The following ARHGEF11 variants were observed in gnomAD, a reference collection of about 807,000 sequenced individuals.
ARHGEF11 encodes the protein Rho guanine nucleotide exchange factor 11.
In ARHGEF11, 55 loss-of-function variants were observed where a neutral mutation model predicts 193.7. The observed-to-expected ratio is 0.28, with a 90% CI of 0.23 to 0.36. The LOEUF (loss-of-function observed/expected upper bound fraction) is 0.36, where lower values mean the gene tolerates loss of function less well. Ranked by LOEUF, ARHGEF11 falls within the 10% of genes least tolerant of loss-of-function variation. ARHGEF11 has a pLI of 1.00. For missense variants in ARHGEF11, 1,723 were observed against 2,005.6 expected (o/e 0.86, Z 2.69); for synonymous variants, 693 against 768.0 (o/e 0.90, Z 1.62).
chr1:156,985,755 A>T, intron 2 of ARHGEF11: 1 of 150,244 alleles, frequency 6.7e-6, no homozygotes, highest in Non-Finnish European at 1.4e-5. Context: ...TTTTAAAAAG[A>T]GATGGAGTAT....
intron 20 of ARHGEF11, among the ~76,000 whole-genome samples, chr1:156,955,195 C>A (rs547822641): frequency 6.6e-6 from 1 of 152,108 alleles, no homozygotes; most frequent in African/African-American, 2.4e-5. Flanking sequence ...AAATGACACA[C>A]GCTGGGAAGA....
intron 3 of ARHGEF11, 82 bp downstream of exon 3, chr1:156,984,257 A>G: frequency 8.8e-7 from 1 of 1,133,900 alleles, no homozygotes; most frequent in Non-Finnish European, 1.3e-6. Flanking sequence ...CCCACAGGAA[A>G]GCACAGGTAG....
At chr1:156,984,232 G>GT in intron 3 of ARHGEF11, 107 bp downstream of exon 3, 2 of 895,506 alleles carry the variant, frequency 2.2e-6, no homozygotes, top group Non-Finnish European at 3.4e-6. Context: ...CAGTTCTAGA[G>GT]TAATTCATTC....
At position 156,958,951 on chromosome 1, in the gene ARHGEF11, A is replaced by G. The variant is rs1660367376; in HGVS notation, c.1380-87T>C. The G allele has an allele frequency of 2.5e-6, 4 of 1,601,908 alleles. No homozygotes were observed. The African/African-American group carries it at 4.0e-5, about 16-fold the overall frequency. On this transcript the variant is annotated intron_variant, in intron 16 of 40. Coordinates refer to ENST00000368194, the MANE Select transcript of ARHGEF11 (RefSeq NM_198236.3). Reference sequence around the variant, plus strand: ...CAGAAAGAACAAGACAAACACATATAACAAGAGATATGTGCACGTCCCAGA... The same window carrying G: ...CAGAAAGAACAAGACAAACACATATGACAAGAGATATGTGCACGTCCCAGA...
At chr1:157,022,320 T>A (rs1398043880) in intron 1 of ARHGEF11, among the ~76,000 whole-genome samples, 3 of 147,002 alleles carry the variant, frequency 2.0e-5, no homozygotes, top group Admixed American at 2.0e-4. Flanking sequence ...AAAAACAAAG[T>A]CAGCAAGGTT....
intron 1 of ARHGEF11, among the ~76,000 whole-genome samples, chr1:157,040,988 C>G (rs1352190206): frequency 2.6e-5 from 4 of 152,198 alleles, no homozygotes; most frequent in Non-Finnish European, 1.5e-5. Flanking sequence ...AGGCATGTGA[C>G]TTCCCCAAGG....
chr1:156,995,477 T>G (rs1341197396), intron 1 of ARHGEF11, among the ~76,000 whole-genome samples: 1 of 152,158 alleles, frequency 6.6e-6, no homozygotes, highest in Non-Finnish European at 1.5e-5. Flanking sequence ...ACACTTAATG[T>G]GTTGAGTTTC....
intron 1 of ARHGEF11, among the ~76,000 whole-genome samples, chr1:157,002,123 A>G (rs1165232743): frequency 6.6e-6 from 1 of 152,182 alleles, no homozygotes; most frequent in Non-Finnish European, 1.5e-5. Context: ...CCTTTCCAGG[A>G]CCTAGACACA....
intron 40 of ARHGEF11, among the ~76,000 whole-genome samples, chr1:156,936,497 A>AATATATATATATATATATAT (rs1553192804): frequency 1.5e-4 from 5 of 33,934 alleles, no homozygotes; most frequent in African/African-American, 3.1e-4. Context: ...AAAAAAAAAA[A>AATATATATATATATATATAT]ATATATATAT....
chr1:156,936,223 TCCACTTTCATCAGCGCCTAAAGCC>T (rs1475181300), intron 40 of ARHGEF11, 165 bp from the exon 41 acceptor site: 1 of 802,066 alleles, frequency 1.2e-6, no homozygotes, highest in Non-Finnish European at 2.3e-6. Flanking sequence ...TCTACTGAAC[TCCACTTTCATCAGCGCCTAAAGCC>T]CTTAGGTCAG....
At chr1:156,980,603 A>G (rs138548152) in intron 3 of ARHGEF11, 117 bp from the exon 4 acceptor site, 1 of 1,188,522 alleles carries the variant, frequency 8.4e-7, no homozygotes, top group East Asian at 2.6e-5. Context: ...TGTGTTAAGT[A>G]TCTCAAATTC....
At position 157,035,739 on chromosome 1, in the gene ARHGEF11, A is replaced by C. The variant is rs1412545791; in HGVS notation, c.32+8560T>G. On this transcript the variant is annotated intron_variant, in intron 1 of 40. Transcript: ENST00000368194. Reference sequence around the variant, plus strand: ...CACATAGATGGCCCTCCAGCCCCAGAGTTTGGGTGGCTATGTGGGAATATA... The same window carrying C: ...CACATAGATGGCCCTCCAGCCCCAGCGTTTGGGTGGCTATGTGGGAATATA... Among the ~76,000 whole-genome samples the C allele has an allele frequency of 3.4e-5, 5 of 146,548 alleles. 1 individual carries two copies. Among genetic ancestry groups the C allele is most frequent in the African/African-American group, 1.0e-4 (4 of 38,846 alleles).
chr1:156,954,044 C>T (rs1293653591), intron 21 of ARHGEF11, among the ~76,000 whole-genome samples: 2 of 152,062 alleles, frequency 1.3e-5, no homozygotes, highest in African/African-American at 4.8e-5. Flanking sequence ...AATAAAATCA[C>T]CTTCAAAACT....
intron 1 of ARHGEF11, among the ~76,000 whole-genome samples, chr1:157,031,102 CACTT>C (rs1238891175): frequency 6.6e-6 from 1 of 152,168 alleles, no homozygotes; most frequent in African/African-American, 2.4e-5. Flanking sequence ...TAATTTTAAA[CACTT>C]GCTTGTTGTC....
chr1:157,017,336 ATTTG>A (rs1172511331), intron 1 of ARHGEF11, among the ~76,000 whole-genome samples: 1 of 152,126 alleles, frequency 6.6e-6, no homozygotes, highest in Non-Finnish European at 1.5e-5. Flanking sequence ...AATTATAATT[ATTTG>A]TTTGTATGTC....
chr1:156,980,312 C>T, intron 4 of ARHGEF11, 125 bp downstream of exon 4: 1 of 1,139,066 alleles, frequency 8.8e-7, no homozygotes, highest in East Asian at 2.6e-5. Context: ...TGGTACCACT[C>T]CTAACTCAGT....
intron 1 of ARHGEF11, among the ~76,000 whole-genome samples, chr1:157,031,483 A>T (rs145193053): frequency 0.013 from 1,944 of 152,316 alleles, 37 homozygotes; most frequent in African/African-American, 0.044. Context: ...AGGAAACCCT[A>T]TGGCACAAGA....
intron 1 of ARHGEF11, among the ~76,000 whole-genome samples, chr1:157,002,946 A>G (rs941397801): frequency 6.6e-6 from 1 of 152,240 alleles, no homozygotes; most frequent in Non-Finnish European, 1.5e-5. Flanking sequence ...ATAATAATAG[A>G]GAGAATTCAT....
chr1:157,014,459 G>A (rs1668959250), intron 1 of ARHGEF11, among the ~76,000 whole-genome samples: 1 of 152,022 alleles, frequency 6.6e-6, no homozygotes, highest in African/African-American at 2.4e-5. Flanking sequence ...CCAGGCTGGA[G>A]TGTAGTGGTG....
Sources: allele counts gnomAD v4.1 joint callset (sites outside exome capture counted in the v4.1 genomes callset), GRCh38; gene constraint gnomAD v4.1.1; transcripts MANE v1.5; gene names NCBI Gene and HGNC (gene_info 2026-07-23, HGNC 2026-07-21).